RRAGC: variants seen among roughly 807,000 people sequenced by gnomAD.
The protein encoded by RRAGC is ras-related GTP-binding protein C.
A neutral mutation model predicts 37.1 loss-of-function variants in RRAGC; 8 were observed. The observed-to-expected ratio is 0.22, with a 90% CI of 0.13 to 0.39. The LOEUF (loss-of-function observed/expected upper bound fraction) is 0.39, where lower values mean the gene tolerates loss of function less well. RRAGC is among the 10% of genes least tolerant of loss of function. The pLI is 1.00. For missense variants in RRAGC, 342 were observed against 497.6 expected (o/e 0.69, Z 2.98); for synonymous variants, 190 against 181.1 (o/e 1.05, Z -0.39).
At chr1:38,859,389 A>G (rs1642207772) in intron 1 of RRAGC, 21 bp downstream of exon 1, 1 of 1,541,782 alleles carries the variant, frequency 6.5e-7, no homozygotes, top group Non-Finnish European at 8.8e-7. Flanking sequence ...GGGGCGGGGG[A>G]CTGGGCGCAG....
chr1:38,859,480 C>T lies in RRAGC; in HGVS notation c.167G>A (p.Gly56Asp), dbSNP rs926352152. Residue 56 changes from glycine (G) to aspartate (D), a missense_variant, in exon 1 of 7, where the codon GGC (glycine) becomes GAC (aspartate). Gly to Asp is a moderately conservative substitution (Grantham distance 94). Around this residue, in one of 3 missense-constraint regions of RRAGC, gnomAD observed 104 missense variants for 93.4 expected, o/e 1.11. Coordinates refer to ENST00000373001, the MANE Select transcript of RRAGC (RefSeq NM_022157.4). ...AATCCTCGGCTTGGAGCTGTCAGCG[C>T]CCCCCGGACCACAGCCACCGCCTGC... Reference protein sequence around the residue: ...AGAGGGCGPGGADSSKPRILL... With the variant: ...AGAGGGCGPGDADSSKPRILL... The T allele has an allele frequency of 1.9e-6, 3 of 1,547,768 alleles. No homozygotes were observed. The highest frequency in any genetic ancestry group is 2.6e-6 in the Non-Finnish European group (3 of 1,146,574).
At chr1:38,849,242 G>A (rs563017718) in intron 5 of RRAGC, among the ~76,000 whole-genome samples, 9 of 152,238 alleles carry the variant, frequency 5.9e-5, no homozygotes, top group African/African-American at 1.9e-4. Flanking sequence ...GGAGTGCAGT[G>A]ATGCAATCAT....
intron 6 of RRAGC, among the ~76,000 whole-genome samples, chr1:38,840,783 T>G (rs761717488): frequency 3.9e-5 from 6 of 152,200 alleles, no homozygotes. Context: ...ATACTAAGAA[T>G]CAGGTCTGAA....
chr1:38,851,343 C>T (rs911313617), intron 5 of RRAGC, among the ~76,000 whole-genome samples: 1 of 152,190 alleles, frequency 6.6e-6, no homozygotes, highest in African/African-American at 2.4e-5. Context: ...TGCAACCCTC[C>T]CCCATCCCCA....
chr1:38,851,906 C>A (rs553394026), intron 4 of RRAGC, 149 bp from the exon 5 acceptor site: 1 of 620,438 alleles, frequency 1.6e-6, no homozygotes, highest in African/African-American at 1.9e-5. Context: ...GCTTGAGAGA[C>A]TCTTCTATTA....
chr1:38,844,000 A>G (rs1641998144), intron 6 of RRAGC, among the ~76,000 whole-genome samples: 1 of 152,192 alleles, frequency 6.6e-6, no homozygotes, highest in Non-Finnish European at 1.5e-5. Context: ...AACAGTTACA[A>G]GAAACAAATG....
intron 1 of RRAGC, among the ~76,000 whole-genome samples, 190 bp downstream of exon 1, chr1:38,859,220 G>T (rs78089234): frequency 0.012 from 1,894 of 152,364 alleles, 60 homozygotes; most frequent in African/African-American, 0.044. Context: ...CTTGGCTTCA[G>T]CTGACTTGGG....
chr1:38,852,321 C>A, intron 4 of RRAGC, 53 bp downstream of exon 4: 2 of 995,280 alleles, frequency 2.0e-6, no homozygotes, highest in East Asian at 2.4e-5. Flanking sequence ...CAAATATATT[C>A]CCAAAAATGG....
At chr1:38,852,888 G>A (rs1454171783) in intron 3 of RRAGC, among the ~76,000 whole-genome samples, 3 of 152,054 alleles carry the variant, frequency 2.0e-5, no homozygotes, top group East Asian at 3.9e-4. Context: ...CTACTAAAAT[G>A]TCACCTCAAA....
At chr1:38,841,468 G>A (rs564033120) in intron 6 of RRAGC, among the ~76,000 whole-genome samples, 1 of 151,696 alleles carries the variant, frequency 6.6e-6, no homozygotes, top group East Asian at 2.0e-4. Flanking sequence ...CTGTGCTCAA[G>A]CAATCCCGCC....
intron 6 of RRAGC, among the ~76,000 whole-genome samples, chr1:38,840,740 G>C (rs1334747662): frequency 6.6e-6 from 1 of 152,212 alleles, no homozygotes; most frequent in Non-Finnish European, 1.5e-5. Context: ...GGTCTGACTG[G>C]AGAGTGGGAC....
In RRAGC at chr1:38,859,717, T is replaced by A; in HGVS notation, c.-71A>T. On this transcript the variant is annotated 5_prime_UTR_variant, in exon 1 of 7. Coordinates refer to ENST00000373001, the MANE Select transcript of RRAGC (RefSeq NM_022157.4). ...CCGAGCCAGGCCGCCGCCTCCCCAGTCCGCCTCCGCCGCCGCCGCCACCAC... is the reference window on the plus strand; with the variant it reads ...CCGAGCCAGGCCGCCGCCTCCCCAGACCGCCTCCGCCGCCGCCGCCACCAC... The A allele has an allele frequency of 8.3e-7, 1 of 1,203,428 alleles. No individual in the cohort carries two copies. The highest frequency in any genetic ancestry group is 1.0e-6 in the Non-Finnish European group (1 of 956,738). The allele number at this position is 1,203,428 out of a possible 1,614,324, so 74.5% of individuals were successfully genotyped here. A position where few individuals can be genotyped will look rare whatever the true frequency, so the allele number is the denominator to read the frequency against.
rs1378028323 is a variant in RRAGC, at chr1:38,840,928, A to C, written c.1049-1224T>G. 4.6e-5 allele frequency among the ~76,000 whole-genome samples: 7 copies of C among 152,236 alleles called. No homozygotes were observed. In the East Asian group the frequency reaches 1.3e-3, roughly 29 times the overall value. ...AATGTAAAATAAAAGACAATCAAGG[A>C]AATTTGAACACTGGCCAGATATTTG... On this transcript the variant is annotated intron_variant, in intron 6 of 6. Transcript: ENST00000373001.
In RRAGC at chr1:38,839,003, T is replaced by A. The variant is rs1641917143; in HGVS notation, c.*550A>T. The A allele has an allele frequency of 6.6e-6, 1 of 152,272 alleles. No homozygotes were observed. The highest frequency in any genetic ancestry group is 1.5e-5 in the Non-Finnish European group (1 of 68,084). 9.4% of individuals were successfully genotyped at this position (152,272 alleles called of 1,614,324 possible). A position where few individuals can be genotyped will look rare whatever the true frequency, so the allele number is the denominator to read the frequency against. On this transcript the variant is annotated 3_prime_UTR_variant, in exon 7 of 7. Transcript: ENST00000373001. ...ATAAAATTTTCTCTCATTTCTTCAA[T>A]ATAGGAATGTCTTGCTGCAGACTAT...
intron 6 of RRAGC, among the ~76,000 whole-genome samples, chr1:38,844,369 TA>T (rs1642003743): frequency 6.7e-6 from 1 of 148,854 alleles, no homozygotes; most frequent in African/African-American, 2.5e-5. Context: ...TAGAGAAGAT[TA>T]ACTGAAGCCA....
intron 6 of RRAGC, among the ~76,000 whole-genome samples, chr1:38,841,998 C>T (rs1289219420): frequency 6.6e-6 from 1 of 151,848 alleles, no homozygotes; most frequent in African/African-American, 2.4e-5. Context: ...TAGCTGGGGG[C>T]GTGGTGGCGG....
At chr1:38,858,326 C>G (rs1201406105) in intron 1 of RRAGC, among the ~76,000 whole-genome samples, 1 of 152,158 alleles carries the variant, frequency 6.6e-6, no homozygotes, top group Non-Finnish European at 1.5e-5. Context: ...CCTGCTGATA[C>G]TAGTTTTATT....
At position 38,859,388 on chromosome 1, in the gene RRAGC, G is replaced by A. The variant is rs1353704142; in HGVS notation, c.237+22C>T. 1.9e-6 allele frequency: 3 copies of A among 1,542,276 alleles called. No individual in the cohort carries two copies. The Admixed American group carries it at 5.9e-5, about 30-fold the overall frequency. On this transcript the variant is annotated intron_variant, in intron 1 of 6. Transcript: ENST00000373001. ...CCTGAGAACCGGGGAGGGGGCGGGG[G>A]ACTGGGCGCAGCCCTGCTCACCTTC... is the stretch of plus-strand genomic sequence containing the variant.
Position 38,839,466 on chromosome 1 carries a change from G to C in RRAGC, c.*87C>G. 1 of 1,441,542 alleles carries C rather than the reference G, an allele frequency of 6.9e-7. No individual in the cohort carries two copies. Among genetic ancestry groups the C allele is most frequent in the Non-Finnish European group, 9.4e-7 (1 of 1,060,130 alleles). 89.3% of individuals were successfully genotyped at this position (1,441,542 alleles called of 1,614,324 possible). A position where few individuals can be genotyped will look rare whatever the true frequency, so the allele number is the denominator to read the frequency against. ...TGGAACAGGCACCAGATTCCCACAAGCAGCAGCTCCCATGTCCTGTAGCAC... is the reference window on the plus strand; with the variant it reads ...TGGAACAGGCACCAGATTCCCACAACCAGCAGCTCCCATGTCCTGTAGCAC... On this transcript the variant is annotated 3_prime_UTR_variant, in exon 7 of 7. Coordinates refer to ENST00000373001, the MANE Select transcript of RRAGC (RefSeq NM_022157.4).
Sources: gnomAD v4.1 joint callset for allele counts (sites outside exome capture counted in the v4.1 genomes callset) on GRCh38, gnomAD v4.1.1 for gene constraint, gnomAD v4.1.1 regional missense constraint, MANE v1.5 for transcripts, NCBI Gene and HGNC (gene_info 2026-07-23, HGNC 2026-07-21) for gene names.